The following BUB1B variants were observed in gnomAD, a reference collection of about 807,000 sequenced individuals.
BUB1B encodes BUB1 mitotic checkpoint serine/threonine kinase B, also known as mitotic checkpoint serine/threonine-protein kinase BUB1 beta.
Under a neutral mutation model 137.7 loss-of-function variants are expected in BUB1B, and 86 were observed. The ratio of observed to expected loss-of-function variants is 0.62; its 90% CI spans 0.52 to 0.75. The LOEUF is 0.75. Ranked by LOEUF, BUB1B falls within the 30% of genes least tolerant of loss-of-function variation. BUB1B has a pLI of 0.00. For synonymous variants in BUB1B, 420 were observed against 417.9 expected, an observed-to-expected ratio of 1.00 and a Z score of -0.06; for missense variants, 1,130 against 1,236.9, an observed-to-expected ratio of 0.91 and a Z score of 1.30.
rs781682685 is a variant in BUB1B, at chr15:40,220,649, C to T, written c.3043C>T (p.Leu1015Phe). The change falls in exon 23 of 23, where the codon CTT becomes TTT. Residue 1015 changes from leucine (L) to phenylalanine (F), a missense_variant. Physicochemically the swap from Leu to Phe is conservative, Grantham distance 22 (BLOSUM62 0). Transcript: ENST00000287598. ...GGCCACAGTGTCTGTTCTTGGGGAG[C>T]TTGCAGCAGAAATGAATGGGGTTTT... is the stretch of plus-strand genomic sequence containing the variant. ...DEATVSVLGELAAEMNGVFDT... is the reference protein window; with the variant it reads ...DEATVSVLGEFAAEMNGVFDT... The T allele has an allele frequency of 1.9e-6, 3 of 1,614,172 alleles. No homozygotes were observed. Among genetic ancestry groups the T allele is most frequent in the Non-Finnish European group, 2.5e-6 (3 of 1,180,026 alleles).
At chr15:40,219,535 T>TGG (rs1448417187) in intron 22 of BUB1B, among the ~76,000 whole-genome samples, 1 of 152,090 alleles carries the variant, frequency 6.6e-6, no homozygotes, top group African/African-American at 2.4e-5. Flanking sequence ...CTGGGCAACA[T>TGG]GGCGAAACCT....
intron 2 of BUB1B, among the ~76,000 whole-genome samples, chr15:40,165,488 T>C (rs1417201849): frequency 6.6e-6 from 1 of 152,196 alleles, no homozygotes; most frequent in Non-Finnish European, 1.5e-5. Flanking sequence ...AAGCAAGTAT[T>C]ATATTGCAAT....
In BUB1B at chr15:40,202,521, A is replaced by T. The variant is rs1433545751; in HGVS notation, c.1628+56A>T. 42 of 1,593,822 alleles carry T rather than the reference A, an allele frequency of 2.6e-5. 1 individual carries two copies. Among genetic ancestry groups the T allele is most frequent in the Non-Finnish European group, 3.6e-5 (42 of 1,162,000 alleles). ...TTTTACTTAAGAATTTTCTGTTATT[A>T]TAAGTGAGGATAAATTAGGGGTTAC... On this transcript the variant is annotated intron_variant, in intron 13 of 22. Transcript: ENST00000287598.
At chr15:40,198,127 T>C (rs1422529505) in intron 9 of BUB1B, among the ~76,000 whole-genome samples, 1 of 151,812 alleles carries the variant, frequency 6.6e-6, no homozygotes, top group Admixed American at 6.6e-5. Context: ...AAAGAAAAGG[T>C]ACATTTTGTT....
intron 4 of BUB1B, 91 bp downstream of exon 4, chr15:40,170,772 C>A: frequency 7.4e-7 from 1 of 1,344,594 alleles, no homozygotes; most frequent in Non-Finnish European, 1.0e-6. Context: ...AAAAGTAAAA[C>A]AGCCATTTTG....
chr15:40,215,218 A>T (rs1348050665), intron 20 of BUB1B, among the ~76,000 whole-genome samples: 2 of 152,206 alleles, frequency 1.3e-5, no homozygotes, highest in Non-Finnish European at 2.9e-5. Flanking sequence ...GCCTATAATC[A>T]ATCCCAGCAC....
Position 40,165,216 on chromosome 15 carries a change from C to G in BUB1B, c.179+20C>G, listed in dbSNP as rs372795695. On this transcript the variant is annotated intron_variant, in intron 2 of 22. Coordinates refer to ENST00000287598, the MANE Select transcript of BUB1B (RefSeq NM_001211.6). ...GAAACGGTGTGTAGAATGGCTGAGT[C>G]TCAACCTGTCGTCATTCATCCTAAA... is the stretch of plus-strand genomic sequence containing the variant. 1 of 1,614,090 alleles carries G rather than the reference C, an allele frequency of 6.2e-7. No individual in the cohort carries two copies. Among genetic ancestry groups the G allele is most frequent in the African/African-American group, 1.3e-5 (1 of 75,042 alleles).
At chr15:40,170,812 A>T in intron 4 of BUB1B, 131 bp downstream of exon 4, 1 of 876,244 alleles carries the variant, frequency 1.1e-6, no homozygotes, top group South Asian at 1.5e-5. Context: ...AACATTTAAT[A>T]AATATGCAAT....
rs2037885875 is a variant in BUB1B at position 40,220,552 on chromosome 15, A to G, written c.2958-12A>G. ...GCCTAATCTTGATGGAAATGGTTTT[A>G]TATATTTTTAGGCTAAAAGATGGTG... On this transcript the variant is annotated splice_polypyrimidine_tract_variant and intron_variant, in intron 22 of 22. Coordinates refer to ENST00000287598, the MANE Select transcript of BUB1B (RefSeq NM_001211.6). 3.7e-6 allele frequency: 6 copies of G among 1,613,624 alleles called. No individual in the cohort carries two copies. The highest frequency in any genetic ancestry group is 3.4e-6 in the Non-Finnish European group (4 of 1,179,532).
intron 8 of BUB1B, among the ~76,000 whole-genome samples, chr15:40,189,805 G>A (rs2037414175): frequency 6.6e-6 from 1 of 152,152 alleles, no homozygotes; most frequent in African/African-American, 2.4e-5. Flanking sequence ...TTCCAAAAAA[G>A]CTGTACCATT....
chr15:40,168,462 G>A (rs2037126780), intron 2 of BUB1B, among the ~76,000 whole-genome samples: 1 of 152,140 alleles, frequency 6.6e-6, no homozygotes, highest in South Asian at 2.1e-4. Flanking sequence ...TAGGATTGCT[G>A]ATTTTTATCA....
rs1409451388 is a variant in BUB1B, at chr15:40,209,668, A to G, written c.2177A>G (p.Tyr726Cys). The G allele has an allele frequency of 1.9e-6, 3 of 1,614,040 alleles. No homozygotes were observed. Among genetic ancestry groups the G allele is most frequent in the African/African-American group, 2.7e-5 (2 of 74,916 alleles). ...NPTQSPWCSQ[Y>C]RRQLLKSLPE... ...ACTCAGTCACCATGGTGTTCACAGTATCGCAGACAGCTACTGAAGTCCCTA... is the reference window on the plus strand; with the variant it reads ...ACTCAGTCACCATGGTGTTCACAGTGTCGCAGACAGCTACTGAAGTCCCTA... Residue 726 changes from tyrosine to cysteine, a missense_variant, in exon 17 of 23, where the codon TAT becomes TGT. Physicochemically the swap from Tyr to Cys is radical, Grantham distance 194. Transcript: ENST00000287598.
At chr15:40,186,604 C>G (rs2037365446) in intron 8 of BUB1B, among the ~76,000 whole-genome samples, 1 of 151,466 alleles carries the variant, frequency 6.6e-6, no homozygotes, top group South Asian at 2.1e-4. Flanking sequence ...GCCACCACGC[C>G]CAGCTAATTT....
chr15:40,217,819 T>C (rs906905801), intron 21 of BUB1B, 152 bp downstream of exon 21: 8 of 971,126 alleles, frequency 8.2e-6, no homozygotes, highest in African/African-American at 3.2e-5. Flanking sequence ...AAATGTAACA[T>C]TTTTGTGTTA....
At chr15:40,164,131 T>A (rs114231786) in intron 1 of BUB1B, among the ~76,000 whole-genome samples, 2,170 of 152,362 alleles carry the variant, frequency 0.014, 58 homozygotes, top group African/African-American at 0.049. Context: ...TAGTAAACTG[T>A]GTTTGTTTGC....
At chr15:40,162,373 C>T (rs1375752531) in intron 1 of BUB1B, among the ~76,000 whole-genome samples, 1 of 152,166 alleles carries the variant, frequency 6.6e-6, no homozygotes, top group Non-Finnish European at 1.5e-5. Flanking sequence ...AATCAAAAGT[C>T]ATTGGAAGGT....
chr15:40,187,416 G>A (rs865983596), intron 8 of BUB1B, among the ~76,000 whole-genome samples: 4 of 151,946 alleles, frequency 2.6e-5, no homozygotes, highest in African/African-American at 4.8e-5. Flanking sequence ...GTGAGCCACC[G>A]CACCCGGTCA....
chr15:40,201,946 G>C (rs1398127169), intron 12 of BUB1B, among the ~76,000 whole-genome samples: 1 of 152,126 alleles, frequency 6.6e-6, no homozygotes, highest in Non-Finnish European at 1.5e-5. Flanking sequence ...TGGGATTACA[G>C]GTGTGAGCCA....
At chr15:40,188,066 G>A (rs565335284) in intron 8 of BUB1B, among the ~76,000 whole-genome samples, 1 of 152,130 alleles carries the variant, frequency 6.6e-6, no homozygotes, top group Admixed American at 6.5e-5. Context: ...TATTATTTTT[G>A]AGACGGAGTC....
Sources: allele counts gnomAD v4.1 joint callset (sites outside exome capture counted in the v4.1 genomes callset), GRCh38; gene constraint gnomAD v4.1.1; transcripts MANE v1.5; gene names NCBI Gene and HGNC (gene_info 2026-07-23, HGNC 2026-07-21).